The following FRMD5 variants were observed in gnomAD, a reference collection of about 807,000 sequenced individuals.
FRMD5 encodes the protein FERM domain-containing protein 5.
In FRMD5, 20 loss-of-function variants were observed where a neutral mutation model predicts 69.0. The observed-to-expected ratio is 0.29, with a 90% CI of 0.20 to 0.42. FRMD5 has a LOEUF of 0.42. Ranked by LOEUF, FRMD5 falls within the 10% of genes least tolerant of loss-of-function variation. The pLI is 1.00. For missense variants in FRMD5, 595 were observed against 708.6 expected, an observed-to-expected ratio of 0.84 and a Z score of 1.82; for synonymous variants, 271 against 260.1, an observed-to-expected ratio of 1.04 and a Z score of -0.40.
chr15:43,985,425 C>T (rs936035453), intron 1 of FRMD5, among the ~76,000 whole-genome samples: 3 of 151,794 alleles, frequency 2.0e-5, no homozygotes, highest in Non-Finnish European at 4.4e-5. Context: ...GTAGGTTTGA[C>T]AAGACAATCT....
intron 1 of FRMD5, among the ~76,000 whole-genome samples, chr15:44,130,178 C>T (rs1216170323): frequency 2.0e-5 from 3 of 152,188 alleles, no homozygotes; most frequent in East Asian, 1.9e-4. Context: ...TGCTAACACT[C>T]GTCACCATTA....
chr15:44,038,936 G>C (rs1023294318), intron 1 of FRMD5, among the ~76,000 whole-genome samples: 3 of 152,204 alleles, frequency 2.0e-5, no homozygotes, highest in African/African-American at 4.8e-5. Flanking sequence ...AGATCCACTG[G>C]CTTGAAATTC....
chr15:43,947,757 T>C (rs1251123848), intron 1 of FRMD5, among the ~76,000 whole-genome samples: 9 of 152,152 alleles, frequency 5.9e-5, no homozygotes, highest in Non-Finnish European at 2.9e-5. Context: ...TTTTCATAAA[T>C]TCAATCTCCC....
At chr15:43,990,106 G>A (rs879306049) in intron 1 of FRMD5, 4 of 652,684 alleles carry the variant, frequency 6.1e-6, no homozygotes, top group South Asian at 4.5e-5. Context: ...GGCCCGGGGT[G>A]GGCATCGTCA....
At chr15:44,121,662 C>A (rs1296762191) in intron 1 of FRMD5, among the ~76,000 whole-genome samples, 1 of 149,838 alleles carries the variant, frequency 6.7e-6, no homozygotes, top group Non-Finnish European at 1.5e-5. Context: ...AAAAAAAAAA[C>A]AAAAACAAAA....
At chr15:44,144,465 A>G (rs907625383) in intron 1 of FRMD5, among the ~76,000 whole-genome samples, 1 of 152,118 alleles carries the variant, frequency 6.6e-6, no homozygotes, top group African/African-American at 2.4e-5. Context: ...AGGAGTTTCC[A>G]TCTATTTCAT....
intron 1 of FRMD5, among the ~76,000 whole-genome samples, chr15:43,982,681 C>G (rs2090566623): frequency 6.6e-6 from 1 of 152,082 alleles, no homozygotes; most frequent in Non-Finnish European, 1.5e-5. Flanking sequence ...TTTAGCAGTC[C>G]TACCAAGAAG....
intron 1 of FRMD5, among the ~76,000 whole-genome samples, chr15:44,050,588 T>C (rs1227868086): frequency 6.6e-6 from 1 of 151,058 alleles, no homozygotes; most frequent in East Asian, 1.9e-4. Context: ...CAGCCTGGTT[T>C]TGAACTCTTG....
intron 1 of FRMD5, among the ~76,000 whole-genome samples, chr15:43,932,163 CTCT>C (rs529827069): frequency 5.8e-4 from 89 of 152,292 alleles, no homozygotes; most frequent in Admixed American, 9.1e-4. Flanking sequence ...CTCTTGAGAC[CTCT>C]TCTTCCTCCA....
chr15:44,050,941 A>G (rs1892636592), intron 1 of FRMD5, among the ~76,000 whole-genome samples: 1 of 151,556 alleles, frequency 6.6e-6, no homozygotes, highest in African/African-American at 2.4e-5. Context: ...TACAGGCATG[A>G]GTCACCGTGC....
chr15:43,887,475 A>T (rs550252335), intron 10 of FRMD5, among the ~76,000 whole-genome samples: 27 of 152,356 alleles, frequency 1.8e-4, no homozygotes, highest in African/African-American at 6.3e-4. Context: ...GAGTATATTC[A>T]GGAGAAGAAA....
At chr15:43,983,698 G>A (rs751778221) in intron 1 of FRMD5, among the ~76,000 whole-genome samples, 12 of 152,164 alleles carry the variant, frequency 7.9e-5, no homozygotes, top group Non-Finnish European at 1.2e-4. Context: ...AGCTAAGTTC[G>A]TTGACCACTT....
chr15:43,910,293 T>C (rs1394370952), intron 4 of FRMD5, among the ~76,000 whole-genome samples: 1 of 151,876 alleles, frequency 6.6e-6, no homozygotes, highest in Non-Finnish European at 1.5e-5. Flanking sequence ...CCCCAGTCGA[T>C]CTGGTGCCGA....
chr15:43,948,433 T>C (rs1640416862), intron 1 of FRMD5, among the ~76,000 whole-genome samples: 1 of 152,222 alleles, frequency 6.6e-6, no homozygotes, highest in African/African-American at 2.4e-5. Flanking sequence ...TCTTCTAAAT[T>C]CAAATTTGAA....
chr15:44,056,274 A>G (rs149696124), intron 1 of FRMD5, among the ~76,000 whole-genome samples: 302 of 152,334 alleles, frequency 2.0e-3, no homozygotes, highest in Non-Finnish European at 2.7e-3. Flanking sequence ...GAGGAAAACT[A>G]GCATACAAAC....
intron 11 of FRMD5, 141 bp downstream of exon 11, chr15:43,885,540 T>A: frequency 1.4e-6 from 1 of 701,482 alleles, no homozygotes; most frequent in Non-Finnish European, 2.6e-6. Context: ...AAAAGGGTCA[T>A]AAGATGGGAG....
chr15:43,917,283 C>T (rs1310745114), intron 4 of FRMD5, among the ~76,000 whole-genome samples: 1 of 152,164 alleles, frequency 6.6e-6, no homozygotes, highest in African/African-American at 2.4e-5. Context: ...TTGGGGTCTG[C>T]CCTGGCACCA....
intron 1 of FRMD5, among the ~76,000 whole-genome samples, chr15:44,127,625 G>A (rs2077041436): frequency 6.6e-6 from 1 of 152,154 alleles, no homozygotes; most frequent in Non-Finnish European, 1.5e-5. Flanking sequence ...CGTAATGCCA[G>A]CACTTTGGGA....
intron 1 of FRMD5, among the ~76,000 whole-genome samples, chr15:44,014,227 T>C (rs992504802): frequency 3.3e-5 from 5 of 151,938 alleles, no homozygotes; most frequent in Non-Finnish European, 7.4e-5. Flanking sequence ...ACTGCAGCTG[T>C]GATGGGGGGA....
Sources: allele counts gnomAD v4.1 joint callset (sites outside exome capture counted in the v4.1 genomes callset), GRCh38; gene constraint gnomAD v4.1.1; transcripts MANE v1.5; gene names NCBI Gene and HGNC (gene_info 2026-07-23, HGNC 2026-07-21).